NWD1: variants seen among roughly 807,000 people sequenced by gnomAD.
NWD1 encodes the protein NACHT domain- and WD repeat-containing protein 1.
Under a neutral mutation model 135.1 loss-of-function variants are expected in NWD1, and 129 were observed. That is an observed-to-expected ratio of 0.96 (90% confidence interval 0.83 to 1.11). The LOEUF is 1.11. NWD1 is among the 50% of genes least tolerant of loss of function. The probability of loss-of-function intolerance (pLI) is 0.00; values close to 1 mark genes in which losing one functional copy is unlikely to be tolerated. For missense variants in NWD1, 1,740 were observed against 1,851.3 expected, an observed-to-expected ratio of 0.94 and a Z score of 1.10; for synonymous variants, 773 against 786.0, an observed-to-expected ratio of 0.98 and a Z score of 0.28.
At chr19:16,784,989 G>A (rs893456816) in intron 12 of NWD1, among the ~76,000 whole-genome samples, 1 of 151,844 alleles carries the variant, frequency 6.6e-6, no homozygotes, top group Non-Finnish European at 1.5e-5. Context: ...GCCACATGGT[G>A]TGCGACTCCC....
At chr19:16,738,372 C>T (rs1370439296) in intron 4 of NWD1, 2 of 292,808 alleles carry the variant, frequency 6.8e-6, no homozygotes, top group Non-Finnish European at 1.4e-5. Flanking sequence ...AGTTTGAGAG[C>T]AGCCTGGGCA....
chr19:16,769,818 T>G (rs538332941), intron 10 of NWD1, among the ~76,000 whole-genome samples: 2 of 152,328 alleles, frequency 1.3e-5, no homozygotes, highest in African/African-American at 4.8e-5. Flanking sequence ...CACCCTGTTT[T>G]CCATCTGTCT....
chr19:16,797,377 CT>C (rs1341922018), intron 15 of NWD1, among the ~76,000 whole-genome samples: 1 of 144,262 alleles, frequency 6.9e-6, no homozygotes, highest in African/African-American at 2.6e-5. Flanking sequence ...GTTGCCCAGG[CT>C]GGAGTGTAGT....
chr19:16,741,866 G>A (rs1367896737), intron 4 of NWD1, among the ~76,000 whole-genome samples: 3 of 151,926 alleles, frequency 2.0e-5, no homozygotes, highest in Admixed American at 6.6e-5. Flanking sequence ...ATCCCAGAAC[G>A]TTGGGAGGCT....
At chr19:16,744,870 T>C (rs1442748257) in intron 5 of NWD1, 152 bp downstream of exon 5, 4 of 694,520 alleles carry the variant, frequency 5.8e-6, no homozygotes, top group Non-Finnish European at 1.0e-5. Context: ...AGAAAGGCTG[T>C]TTTACTGATC....
chr19:16,726,952 T>C (rs867677563), intron 2 of NWD1, among the ~76,000 whole-genome samples: 2 of 152,098 alleles, frequency 1.3e-5, no homozygotes, highest in Middle Eastern at 3.4e-3. Context: ...GAACTGCTGG[T>C]TGAAATAGTA....
intron 1 of NWD1, among the ~76,000 whole-genome samples, chr19:16,720,813 A>G (rs1967107105): frequency 6.6e-6 from 1 of 151,962 alleles, no homozygotes; most frequent in Non-Finnish European, 1.5e-5. Context: ...TCGGCTTCCC[A>G]AAGTGCTGGG....
At chr19:16,799,310 C>T (rs1970521396) in intron 16 of NWD1, among the ~76,000 whole-genome samples, 1 of 152,128 alleles carries the variant, frequency 6.6e-6, no homozygotes, top group Non-Finnish European at 1.5e-5. Flanking sequence ...AGTCTCCTGC[C>T]TCAGCCTCCC....
intron 18 of NWD1, among the ~76,000 whole-genome samples, chr19:16,809,481 A>G (rs769172258): frequency 2.0e-5 from 3 of 151,862 alleles, no homozygotes; most frequent in Non-Finnish European, 4.4e-5. Context: ...CAAATCCTGC[A>G]CTGGCTTAGT....
intron 6 of NWD1, among the ~76,000 whole-genome samples, chr19:16,758,931 G>A (rs1326878117): frequency 6.8e-6 from 1 of 146,804 alleles, no homozygotes; most frequent in Non-Finnish European, 1.5e-5. Context: ...TTGAACCCGC[G>A]AGGCGGAGGT....
intron 4 of NWD1, chr19:16,738,230 A>C (rs959654586): frequency 1.5e-5 from 7 of 454,586 alleles, no homozygotes; most frequent in Non-Finnish European, 1.8e-5. Context: ...TTCCAGGAGA[A>C]ATGTGCTGAT....
At chr19:16,753,827 TATC>T (rs1459926990) in intron 6 of NWD1, among the ~76,000 whole-genome samples, 2 of 132,450 alleles carry the variant, frequency 1.5e-5, no homozygotes, top group African/African-American at 5.5e-5. Flanking sequence ...CCATCATCTC[TATC>T]ATCCATCCAT....
chr19:16,734,084 T>G (rs1390513280), intron 3 of NWD1, among the ~76,000 whole-genome samples: 1 of 152,120 alleles, frequency 6.6e-6, no homozygotes, highest in Non-Finnish European at 1.5e-5. Context: ...AGCCTCCCCA[T>G]GGCGAGCAGG....
In NWD1 at chr19:16,789,716, C is replaced by CTTTT. The variant is rs11383216; in HGVS notation, c.2940+542_2940+545dup. 8.4e-4 allele frequency among the ~76,000 whole-genome samples: 101 copies of CTTTT among 119,566 alleles called. 3 individuals are homozygous for CTTTT. The highest frequency in any genetic ancestry group is 1.4e-3 in the African/African-American group (42 of 30,730). 78.4% of individuals were successfully genotyped at this position (119,566 alleles called of 152,430 possible). A position where few individuals can be genotyped will look rare whatever the true frequency, so the allele number is the denominator to read the frequency against. On this transcript the variant is annotated intron_variant, in intron 13 of 18. Transcript: ENST00000524140. ...TATAGTCTCTCTCTCTCCTCTCTCT[C>CTTTT]TTTTTTTTTTTTTTTTTTTGAGATG...
At chr19:16,781,131 T>A (rs1969838915) in intron 12 of NWD1, among the ~76,000 whole-genome samples, 1 of 152,192 alleles carries the variant, frequency 6.6e-6, no homozygotes, top group Non-Finnish European at 1.5e-5. Context: ...AATCAATTGT[T>A]GAGTGCCTGC....
chr19:16,778,500 T>TCTTCTTCTTCTTCTTC (rs1568373636), intron 11 of NWD1, among the ~76,000 whole-genome samples: 2 of 140,646 alleles, frequency 1.4e-5, no homozygotes, highest in African/African-American at 6.3e-5. Context: ...TCTTCTTTTT[T>TCTTCTTCTTCTTCTTC]TTTTTTTTGT....
At chr19:16,749,074 C>A in intron 5 of NWD1, 65 bp from the exon 6 acceptor site, 1 of 1,304,932 alleles carries the variant, frequency 7.7e-7, no homozygotes, top group South Asian at 1.4e-5. Flanking sequence ...CCCAGCAACC[C>A]CATTTAGGTC....
At chr19:16,728,870 G>T (rs1053271609) in intron 2 of NWD1, among the ~76,000 whole-genome samples, 1 of 150,418 alleles carries the variant, frequency 6.6e-6, no homozygotes, top group Non-Finnish European at 1.5e-5. Context: ...CGTGAACCCA[G>T]GAGGCGGAGC....
intron 16 of NWD1, among the ~76,000 whole-genome samples, chr19:16,798,937 A>AT (rs1457814607): frequency 4.4e-5 from 6 of 135,342 alleles, no homozygotes; most frequent in South Asian, 2.2e-4. Flanking sequence ...GAATAAAATA[A>AT]TTAAAAAAAA....
Sources: allele counts gnomAD v4.1 joint callset (sites outside exome capture counted in the v4.1 genomes callset), GRCh38; gene constraint gnomAD v4.1.1; transcripts MANE v1.5; gene names NCBI Gene and HGNC (gene_info 2026-07-23, HGNC 2026-07-21).